The following AP2B1 variants were observed in gnomAD, a reference collection of about 807,000 sequenced individuals.
The protein encoded by AP2B1 is adaptor related protein complex 2 subunit beta 1.
Under a neutral mutation model 102.0 loss-of-function variants are expected in AP2B1, and 23 were observed. That is an observed-to-expected ratio of 0.23 (90% CI 0.16 to 0.32). AP2B1 has a LOEUF of 0.32. Ranked by LOEUF, AP2B1 falls within the 10% of genes least tolerant of loss-of-function variation. The probability of loss-of-function intolerance (pLI) is 1.00; values close to 1 mark genes in which losing one functional copy is unlikely to be tolerated. For synonymous variants in AP2B1, 381 were observed against 421.2 expected, an observed-to-expected ratio of 0.90 and a Z score of 1.17; for missense variants, 541 against 1,157.4, an observed-to-expected ratio of 0.47 and a Z score of 7.73.
chr17:35,713,814 T>C (rs1344800298), intron 20 of AP2B1: 2 of 152,304 alleles, frequency 1.3e-5, no homozygotes, highest in African/African-American at 4.8e-5. Context: ...TGGGAGTGCT[T>C]ATGATGCCGC....
chr17:35,661,801 T>G (rs746848695), intron 14 of AP2B1, among the ~76,000 whole-genome samples: 3 of 152,226 alleles, frequency 2.0e-5, no homozygotes, highest in Non-Finnish European at 2.9e-5. Flanking sequence ...TTAGATCTTG[T>G]TCTGTTTCAT....
intron 5 of AP2B1, 121 bp from the exon 6 acceptor site, chr17:35,624,275 TA>T: frequency 2.3e-6 from 2 of 872,262 alleles, no homozygotes; most frequent in Non-Finnish European, 1.8e-6. Flanking sequence ...TCTGACTAGG[TA>T]AAATGTTCAG....
chr17:35,704,956 G>A (rs1269513382), intron 18 of AP2B1, among the ~76,000 whole-genome samples: 3 of 152,082 alleles, frequency 2.0e-5, no homozygotes, highest in East Asian at 1.9e-4. Context: ...GCTTGAACCC[G>A]GGGGGCGGAG....
intron 15 of AP2B1, among the ~76,000 whole-genome samples, chr17:35,671,288 T>C (rs1389690048): frequency 6.6e-6 from 1 of 152,148 alleles, no homozygotes; most frequent in Non-Finnish European, 1.5e-5. Flanking sequence ...GGGGTGTGAA[T>C]GTCCATCTCC....
intron 15 of AP2B1, among the ~76,000 whole-genome samples, chr17:35,671,533 T>C (rs1452617262): frequency 1.3e-5 from 2 of 152,214 alleles, no homozygotes; most frequent in African/African-American, 4.8e-5. Flanking sequence ...CTGAGTACTC[T>C]CTTGATAAAG....
intron 13 of AP2B1, among the ~76,000 whole-genome samples, chr17:35,655,954 C>T (rs2075208754): frequency 1.3e-5 from 2 of 152,234 alleles, no homozygotes; most frequent in African/African-American, 4.8e-5. Context: ...AATGATTTGT[C>T]TTTTTCTTAA....
chr17:35,616,121 C>G (rs1158478481), intron 5 of AP2B1, among the ~76,000 whole-genome samples: 1 of 122,356 alleles, frequency 8.2e-6, no homozygotes, highest in Non-Finnish European at 1.8e-5. Context: ...TTATTATGAA[C>G]TTAGGTTTTA....
intron 13 of AP2B1, among the ~76,000 whole-genome samples, chr17:35,656,901 T>A (rs1034457085): frequency 2.4e-5 from 3 of 123,890 alleles, no homozygotes; most frequent in Admixed American, 1.6e-4. Context: ...AAAAAAAAAA[T>A]CAACTCTCCA....
chr17:35,671,134 T>C (rs935258250), intron 15 of AP2B1, among the ~76,000 whole-genome samples: 1 of 152,204 alleles, frequency 6.6e-6, no homozygotes, highest in Non-Finnish European at 1.5e-5. Context: ...TAGAGATCTT[T>C]GTCTTTCTGA....
intron 9 of AP2B1, among the ~76,000 whole-genome samples, chr17:35,630,113 G>A (rs2074422745): frequency 6.6e-6 from 1 of 152,216 alleles, no homozygotes; most frequent in African/African-American, 2.4e-5. Context: ...ATGTGTGTCA[G>A]AGAATCTTCT....
At chr17:35,600,274 G>A (rs2073433574) in intron 3 of AP2B1, among the ~76,000 whole-genome samples, 2 of 151,794 alleles carry the variant, frequency 1.3e-5, no homozygotes, top group African/African-American at 4.8e-5. Flanking sequence ...GTAGAGACGG[G>A]GTTTCACCAT....
chr17:35,699,099 GT>G (rs918122402), intron 18 of AP2B1, among the ~76,000 whole-genome samples: 1 of 152,182 alleles, frequency 6.6e-6, no homozygotes, highest in Non-Finnish European at 1.5e-5. Context: ...TAGTATTTCA[GT>G]TTCAGTGTCT....
intron 10 of AP2B1, among the ~76,000 whole-genome samples, chr17:35,638,968 TC>T (rs2074690863): frequency 6.6e-6 from 1 of 152,148 alleles, no homozygotes; most frequent in African/African-American, 2.4e-5. Context: ...AGGAAAATTT[TC>T]TAATGTACTT....
intron 17 of AP2B1, among the ~76,000 whole-genome samples, chr17:35,682,152 G>A (rs768620363): frequency 6.6e-6 from 1 of 151,770 alleles, no homozygotes; most frequent in Non-Finnish European, 1.5e-5. Flanking sequence ...CTACCTGGGG[G>A]ACTCATGTGC....
intron 14 of AP2B1, among the ~76,000 whole-genome samples, chr17:35,668,753 C>T (rs1346865846): frequency 6.6e-6 from 1 of 152,080 alleles, no homozygotes; most frequent in African/African-American, 2.4e-5. Context: ...AAATGGCCTT[C>T]CCCCATTTTT....
intron 18 of AP2B1, among the ~76,000 whole-genome samples, chr17:35,686,001 G>C (rs890023733): frequency 6.6e-6 from 1 of 152,172 alleles, no homozygotes; most frequent in East Asian, 1.9e-4. Context: ...GACCTCAGGT[G>C]ATCCACCTGC....
intron 9 of AP2B1, among the ~76,000 whole-genome samples, chr17:35,635,454 G>A (rs929345820): frequency 6.6e-6 from 1 of 151,778 alleles, no homozygotes; most frequent in Non-Finnish European, 1.5e-5. Context: ...GTGTGATCTC[G>A]GCTAACTACA....
chr17:35,613,231 G>T (rs2073919081), intron 5 of AP2B1, among the ~76,000 whole-genome samples: 1 of 149,144 alleles, frequency 6.7e-6, no homozygotes, highest in Non-Finnish European at 1.5e-5. Context: ...CACTTCAGAA[G>T]GGCATCCTAG....
chr17:35,642,590 A>T (rs552407906), intron 12 of AP2B1, among the ~76,000 whole-genome samples: 1 of 152,316 alleles, frequency 6.6e-6, no homozygotes, highest in East Asian at 1.9e-4. Context: ...TAGTATAATG[A>T]TCATCAGTCC....
Sources: allele counts gnomAD v4.1 joint callset (sites outside exome capture counted in the v4.1 genomes callset), GRCh38; gene constraint gnomAD v4.1.1; transcripts MANE v1.5; gene names NCBI Gene and HGNC (gene_info 2026-07-23, HGNC 2026-07-21).